The following CDHR3 variants were observed in gnomAD, a reference collection of about 807,000 sequenced individuals.
CDHR3 encodes the protein cadherin related family member 3.
Under a neutral mutation model 86.6 loss-of-function variants are expected in CDHR3, and 79 were observed. The ratio of observed to expected loss-of-function variants is 0.91; its 90% CI spans 0.76 to 1.10. The LOEUF is 1.10. Ranked by LOEUF, CDHR3 falls within the 50% of genes least tolerant of loss-of-function variation. The pLI, the probability that CDHR3 is intolerant of heterozygous loss-of-function variation, is 0.00. For missense variants in CDHR3, 1,081 were observed against 1,077.6 expected (o/e 1.00, Z -0.04); for synonymous variants, 421 against 402.4 (o/e 1.05, Z -0.55).
rs774121677 is a variant in CDHR3 at position 106,024,397 on chromosome 7, A to G, written c.2093A>G (p.Gln698Arg). Residue 698 changes from glutamine (Q) to arginine (R), a missense_variant, in exon 15 of 19, where the codon CAG becomes CGG. Gln to Arg is a conservative substitution (Grantham distance 43). Transcript: ENST00000317716. ...TTTPRPRVTY[Q>R]VLRKNVYSPS... ...TTGTTCAAGCCCAGGGTCACCTATC[A>G]GGTCCTGAGGAAAAACGTTTACTCT... 7.4e-5 allele frequency: 120 copies of G among 1,613,880 alleles called. No individual in the cohort carries two copies. The highest frequency in any genetic ancestry group is 9.3e-5 in the Non-Finnish European group (110 of 1,179,886).
Position 105,996,325 on chromosome 7 carries a change from C to T in CDHR3, c.684C>T (p.Asn228=). 2.5e-6 allele frequency: 4 copies of T among 1,596,474 alleles called. No homozygotes were observed. Among genetic ancestry groups the T allele is most frequent in the Non-Finnish European group, 3.4e-6 (4 of 1,166,182 alleles). Residue 228 remains asparagine (N), a synonymous_variant, in exon 6 of 19, where the codon AAC becomes AAT. Coordinates refer to ENST00000317716, the MANE Select transcript of CDHR3 (RefSeq NM_152750.5). ...ASTELQVNIV[N]LNDEVPRFTS... ...CAGAGCTCCAGGTGAACATCGTGAA[C>T]CTCAACGACGAAGTCCCTCGCTTTA...
Position 106,020,470 on chromosome 7 carries a change from A to T in CDHR3, c.1751A>T (p.Asn584Ile). 7 of 1,613,930 alleles carry T rather than the reference A, an allele frequency of 4.3e-6. No homozygotes were observed. The highest frequency in any genetic ancestry group is 5.9e-6 in the Non-Finnish European group (7 of 1,179,860). Residue 584 changes from asparagine (N) to isoleucine (I), a missense_variant, in exon 13 of 19, where the codon AAT becomes ATT. Transcript: ENST00000317716. The part of the protein sequence containing the change: ...ALPVDLKVGT[N>I]IQNFKLTCTD... ...CCAGTGGATCTGAAAGTTGGCACAAATATTCAGAATTTCAAGCTGACATGT... is the reference window on the plus strand; with the variant it reads ...CCAGTGGATCTGAAAGTTGGCACAATTATTCAGAATTTCAAGCTGACATGT...
chr7:105,987,118 T>C (rs186327536), intron 4 of CDHR3, among the ~76,000 whole-genome samples: 2 of 152,178 alleles, frequency 1.3e-5, no homozygotes, highest in Admixed American at 6.5e-5. Context: ...AAACACCTCC[T>C]AGATCAGGTA....
chr7:106,001,695 A>G, intron 7 of CDHR3, 85 bp downstream of exon 7: 4 of 1,550,990 alleles, frequency 2.6e-6, no homozygotes, highest in Non-Finnish European at 8.8e-7. Flanking sequence ...CTCGTTACCC[A>G]TGAGAATTGG....
Position 106,022,331 on chromosome 7 carries a change from T to C in CDHR3, c.1959T>C (p.Thr653=). ...IWDYKLLVYV[T]DDNLMSDRKK... ...ACTACAAGCTACTTGTCTACGTAACTGATGACAACTTGATGTCTGACAGGA... is the reference window on the plus strand; with the variant it reads ...ACTACAAGCTACTTGTCTACGTAACCGATGACAACTTGATGTCTGACAGGA... The change falls in exon 14 of 19, where the codon ACT becomes ACC. Residue 653 remains threonine (T), a synonymous_variant. Transcript: ENST00000317716. The C allele has an allele frequency of 6.2e-7, 1 of 1,614,050 alleles. No individual in the cohort carries two copies. The highest frequency in any genetic ancestry group is 8.5e-7 in the Non-Finnish European group (1 of 1,179,896).
chr7:106,005,966 G>A (rs956757708), intron 8 of CDHR3, among the ~76,000 whole-genome samples: 20 of 152,162 alleles, frequency 1.3e-4, no homozygotes, highest in African/African-American at 4.6e-4. Context: ...AGATATACCT[G>A]TGACTGGGCG....
intron 1 of CDHR3, among the ~76,000 whole-genome samples, chr7:105,967,354 A>G (rs1305793534): frequency 6.6e-6 from 1 of 152,170 alleles, no homozygotes; most frequent in Non-Finnish European, 1.5e-5. Context: ...CCAGTCTATC[A>G]TTGATGGACA....
At chr7:105,994,329 A>G (rs998682743) in intron 4 of CDHR3, among the ~76,000 whole-genome samples, 3 of 152,116 alleles carry the variant, frequency 2.0e-5, no homozygotes, top group African/African-American at 7.2e-5. Context: ...GTATAGTCCT[A>G]TTACCTAGTG....
intron 8 of CDHR3, 60 bp downstream of exon 8, chr7:106,004,747 C>G (rs1482144875): frequency 6.7e-7 from 1 of 1,491,476 alleles, no homozygotes; most frequent in East Asian, 2.3e-5. Context: ...CTCTGCCCTT[C>G]TGCTTCTCTG....
chr7:106,015,726 G>A, intron 10 of CDHR3: 1 of 600,460 alleles, frequency 1.7e-6, no homozygotes, highest in Non-Finnish European at 3.0e-6. Flanking sequence ...TCCTACTCTG[G>A]GTTCTGTAGT....
intron 16 of CDHR3, 91 bp from the exon 17 acceptor site, chr7:106,028,460 C>T (rs780573530): frequency 1.5e-6 from 2 of 1,366,558 alleles, no homozygotes; most frequent in African/African-American, 2.8e-5. Flanking sequence ...AGATCGAAGC[C>T]TATTTAGGGG....
At chr7:106,026,536 C>G in intron 15 of CDHR3, 146 bp from the exon 16 acceptor site, 1 of 760,812 alleles carries the variant, frequency 1.3e-6, no homozygotes, top group Non-Finnish European at 2.3e-6. Flanking sequence ...ATCTAGTTTT[C>G]TTTCTGGCCC....
chr7:105,991,061 C>CTG (rs1241835697), intron 4 of CDHR3, among the ~76,000 whole-genome samples: 1 of 152,214 alleles, frequency 6.6e-6, no homozygotes, highest in East Asian at 1.9e-4. Flanking sequence ...GCTTGTCTGA[C>CTG]AAGCATTTGT....
chr7:106,000,285 G>A (rs574228998), intron 6 of CDHR3, among the ~76,000 whole-genome samples: 2 of 152,344 alleles, frequency 1.3e-5, no homozygotes, highest in East Asian at 1.9e-4. Flanking sequence ...ATAGATGTGG[G>A]GGGACCCTGG....
intron 6 of CDHR3, 70 bp downstream of exon 6, chr7:105,996,424 G>C (rs888136210): frequency 4.9e-6 from 4 of 812,774 alleles, no homozygotes; most frequent in Non-Finnish European, 8.2e-6. Context: ...CGTCTCCTCC[G>C]GCACATTTAA....
At chr7:106,015,865 T>A (rs1286151481) in intron 10 of CDHR3, 62 bp from the exon 11 acceptor site, 1 of 1,201,020 alleles carries the variant, frequency 8.3e-7, no homozygotes, top group South Asian at 1.3e-5. Flanking sequence ...TTTAAAGATG[T>A]TGAATAAACA....
intron 4 of CDHR3, among the ~76,000 whole-genome samples, chr7:105,993,312 C>G (rs958733522): frequency 1.3e-5 from 2 of 152,128 alleles, no homozygotes; most frequent in Non-Finnish European, 2.9e-5. Flanking sequence ...CATGAAGGAG[C>G]AATTGGTCAC....
chr7:106,030,774 T>C lies in CDHR3; in HGVS notation c.2305-18T>C, dbSNP rs771048503. The C allele has an allele frequency of 1.5e-5, 24 of 1,606,730 alleles. No individual in the cohort carries two copies. In the East Asian group the frequency reaches 5.4e-4, roughly 36 times the overall value. ...GAATGTAGGATTGTGTTTGATGCTG[T>C]CTCTGTCTTCTCCTTAGGAAACTAT... On this transcript the variant is annotated intron_variant, in intron 17 of 18. Transcript: ENST00000317716. This position sits in a 1 kb window ranked among gnomAD's most constrained non-coding sequence, Gnocchi z 4.8.
chr7:106,029,886 C>T (rs1023302646), intron 17 of CDHR3, among the ~76,000 whole-genome samples: 17 of 152,180 alleles, frequency 1.1e-4, no homozygotes, highest in African/African-American at 4.1e-4. Context: ...TTAGCGATTG[C>T]TCTAGAACTA....
Sources: allele counts gnomAD v4.1 joint callset (sites outside exome capture counted in the v4.1 genomes callset), GRCh38; gene constraint gnomAD v4.1.1; non-coding constraint Gnocchi (gnomAD v3.1); transcripts MANE v1.5; gene names NCBI Gene and HGNC (gene_info 2026-07-23, HGNC 2026-07-21).